The following CEP112 variants were observed in gnomAD, a reference collection of about 807,000 sequenced individuals.
The protein encoded by CEP112 is centrosomal protein 112, also known as centrosomal protein of 112 kDa.
CEP112 carries 127 observed loss-of-function variants against 153.0 expected under a neutral mutation model. The ratio of observed to expected loss-of-function variants is 0.83; its 90% CI spans 0.72 to 0.96. The LOEUF (loss-of-function observed/expected upper bound fraction) is 0.96, where lower values mean the gene tolerates loss of function less well. Among genes scored for constraint, CEP112 ranks in the 40% least tolerant of loss-of-function variants. The pLI, the probability that CEP112 is intolerant of heterozygous loss-of-function variation, is 0.00. For synonymous variants in CEP112, 358 were observed against 374.4 expected (o/e 0.96, Z 0.51); for missense variants, 1,089 against 1,101.2 (o/e 0.99, Z 0.16).
chr17:65,702,219 C>T (rs1408930906), intron 23 of CEP112, among the ~76,000 whole-genome samples: 1 of 152,082 alleles, frequency 6.6e-6, no homozygotes, highest in Non-Finnish European at 1.5e-5. Context: ...CTGATTTCTG[C>T]CCACCAGGAT....
chr17:66,114,716 T>C (rs963237623), intron 6 of CEP112, among the ~76,000 whole-genome samples: 4 of 152,116 alleles, frequency 2.6e-5, no homozygotes, highest in African/African-American at 9.7e-5. Context: ...AAAAAGCTCT[T>C]ATATAGGAAT....
intron 23 of CEP112, among the ~76,000 whole-genome samples, chr17:65,708,308 C>A (rs1301739879): frequency 6.6e-6 from 1 of 152,138 alleles, no homozygotes; most frequent in Non-Finnish European, 1.5e-5. Flanking sequence ...CATTTGATCT[C>A]CCACTAAGGG....
At chr17:66,160,845 T>A (rs1471998145) in intron 4 of CEP112, among the ~76,000 whole-genome samples, 1 of 152,052 alleles carries the variant, frequency 6.6e-6, no homozygotes, top group Admixed American at 6.6e-5. Flanking sequence ...AAATGGAATC[T>A]AATTAAACTA....
chr17:65,745,169 C>T (rs531099811), intron 22 of CEP112, among the ~76,000 whole-genome samples: 3 of 152,246 alleles, frequency 2.0e-5, no homozygotes, highest in Non-Finnish European at 4.4e-5. Context: ...ATTCACTATA[C>T]CAAAGTTTGA....
At chr17:65,907,928 G>T (rs1318324376) in intron 19 of CEP112, among the ~76,000 whole-genome samples, 1 of 152,170 alleles carries the variant, frequency 6.6e-6, no homozygotes, top group Non-Finnish European at 1.5e-5. Flanking sequence ...CGGAGTTAAT[G>T]ATGACCAGGA....
chr17:65,888,743 C>T (rs574518902), intron 20 of CEP112, among the ~76,000 whole-genome samples: 3 of 152,180 alleles, frequency 2.0e-5, no homozygotes, highest in South Asian at 4.2e-4. Flanking sequence ...GGACAGATTC[C>T]GGGCACAGTA....
chr17:65,753,574 G>C (rs558634840), intron 21 of CEP112, among the ~76,000 whole-genome samples: 2 of 152,174 alleles, frequency 1.3e-5, no homozygotes, highest in African/African-American at 4.8e-5. Flanking sequence ...CTTGACTCCA[G>C]CTCTATTATG....
intron 8 of CEP112, among the ~76,000 whole-genome samples, chr17:66,079,521 GA>G (rs1471390378): frequency 1.3e-5 from 2 of 152,028 alleles, no homozygotes; most frequent in Admixed American, 6.6e-5. Context: ...ACAAACAAAT[GA>G]AAAAACATTC....
In CEP112 at chr17:65,923,594, A is replaced by G. The variant is rs2060812208; in HGVS notation, c.1980+3988T>C. ...ATGCTCCAAAATATTATTCCATTTT[A>G]ATGTTTCTTAGCATTCATAATTTTA... On this transcript the variant is annotated intron_variant, in intron 19 of 26. Coordinates refer to ENST00000535342, the MANE Select transcript of CEP112 (RefSeq NM_001199165.4). Among the ~76,000 whole-genome samples the G allele has an allele frequency of 7.2e-5, 11 of 152,180 alleles. No homozygotes were observed. In the South Asian group the frequency reaches 2.3e-3, roughly 31 times the overall value.
chr17:66,100,396 G>A (rs71379954), intron 6 of CEP112, among the ~76,000 whole-genome samples: 9,602 of 114,204 alleles, frequency 0.084, 455 homozygotes, highest in South Asian at 0.25. Flanking sequence ...TGAGATTCCC[G>A]TCTCAAAAAA....
intron 18 of CEP112, among the ~76,000 whole-genome samples, chr17:65,938,680 C>G (rs1287830643): frequency 2.0e-5 from 3 of 151,990 alleles, no homozygotes; most frequent in Non-Finnish European, 4.4e-5. Flanking sequence ...ATGACATAAA[C>G]TATATACAGA....
chr17:65,837,056 C>T (rs1428826032), intron 21 of CEP112, among the ~76,000 whole-genome samples: 5 of 152,214 alleles, frequency 3.3e-5, no homozygotes, highest in African/African-American at 9.6e-5. Context: ...CTGCCAGCCT[C>T]GGCCTCCCAA....
intron 10 of CEP112, among the ~76,000 whole-genome samples, chr17:66,065,629 C>CT (rs34757999): frequency 0.16 from 22,949 of 140,180 alleles, 2,496 homozygotes; most frequent in African/African-American, 0.31. Context: ...ATTTTAAAAT[C>CT]TTTTTTTTTT....
chr17:65,864,476 A>T (rs9896322), intron 20 of CEP112, among the ~76,000 whole-genome samples: 1 of 152,028 alleles, frequency 6.6e-6, no homozygotes, highest in African/African-American at 2.4e-5. Context: ...TAATAACTGG[A>T]GCCCTGACGC....
chr17:65,943,283 A>G (rs1285949968), intron 18 of CEP112, among the ~76,000 whole-genome samples: 1 of 152,222 alleles, frequency 6.6e-6, no homozygotes, highest in African/African-American at 2.4e-5. Flanking sequence ...GATATAAGAA[A>G]GACAACATGT....
intron 5 of CEP112, among the ~76,000 whole-genome samples, chr17:66,131,923 C>A (rs1360893279): frequency 6.6e-6 from 1 of 151,984 alleles, no homozygotes; most frequent in Admixed American, 6.5e-5. Flanking sequence ...AATCCCAACA[C>A]TTTGGGAGGC....
intron 12 of CEP112, among the ~76,000 whole-genome samples, chr17:66,036,604 T>C (rs1044474595): frequency 6.6e-6 from 1 of 152,160 alleles, no homozygotes. Context: ...GAGGTAGGTA[T>C]CATTAACATC....
At chr17:66,076,032 G>A (rs926516199) in intron 8 of CEP112, among the ~76,000 whole-genome samples, 18 of 152,164 alleles carry the variant, frequency 1.2e-4, no homozygotes, top group African/African-American at 4.1e-4. Flanking sequence ...AGGGGTAGAG[G>A]AAGTAGTAGG....
intron 18 of CEP112, among the ~76,000 whole-genome samples, chr17:65,949,962 T>C (rs1271696224): frequency 2.0e-5 from 3 of 152,180 alleles, no homozygotes; most frequent in South Asian, 4.1e-4. Flanking sequence ...TATTTTCTAA[T>C]TTTTCCTCAT....
Sources: allele counts gnomAD v4.1 joint callset (sites outside exome capture counted in the v4.1 genomes callset), GRCh38; gene constraint gnomAD v4.1.1; transcripts MANE v1.5; gene names NCBI Gene and HGNC (gene_info 2026-07-23, HGNC 2026-07-21).